Variants in PACS1 observed in about 807,000 individuals in gnomAD.
PACS1 encodes the protein PACS-1.
Under a neutral mutation model 115.0 loss-of-function variants are expected in PACS1, and 24 were observed. The ratio of observed to expected loss-of-function variants is 0.21; its 90% CI spans 0.15 to 0.29. PACS1 has a LOEUF of 0.29. Among genes scored for constraint, PACS1 ranks in the 10% least tolerant of loss-of-function variants. The pLI, the probability that PACS1 is intolerant of heterozygous loss-of-function variation, is 1.00. For missense variants in PACS1, 838 were observed against 1,251.2 expected (o/e 0.67, Z 4.98); for synonymous variants, 453 against 504.5 (o/e 0.90, Z 1.37).
chr11:66,218,995 G>A (rs1172215045), intron 7 of PACS1, among the ~76,000 whole-genome samples: 2 of 152,060 alleles, frequency 1.3e-5, no homozygotes, highest in East Asian at 1.9e-4. Context: ...CCCAGGCTTC[G>A]GACACGTACA....
intron 4 of PACS1, 32 bp from the exon 5 acceptor site, chr11:66,216,087 A>T (rs746947203): frequency 6.2e-7 from 1 of 1,612,216 alleles, no homozygotes; most frequent in Non-Finnish European, 8.5e-7. Flanking sequence ...CCTCTGTAGT[A>T]ACACGCCTCC....
rs1169502493 is a variant in PACS1, at chr11:66,070,716, C to T, written c.230C>T (p.Ala77Val). ...TCCTCGTCTACCTCCACCTCCATGG[C>T]CGTGGCGGTGGCCTCGGGCTCCGCG... ...SSSSSTSTSM[A>V]VAVASGSAPP... Residue 77 changes from alanine to valine, a missense_variant, in exon 1 of 24, where the codon GCC (alanine) becomes GTC (valine). This residue lies in a region of PACS1 where 129 missense variants were observed against 109.4 expected (regional missense o/e 1.18). Transcript: ENST00000320580. This position sits in a 1 kb window ranked among gnomAD's most constrained non-coding sequence, Gnocchi z 5.9. 1 of 1,574,436 alleles carries T rather than the reference C, an allele frequency of 6.4e-7. No homozygotes were observed. Among genetic ancestry groups the T allele is most frequent in the South Asian group, 1.1e-5 (1 of 87,788 alleles).
chr11:66,082,888 TG>T (rs1463565720), intron 1 of PACS1, among the ~76,000 whole-genome samples: 1 of 152,176 alleles, frequency 6.6e-6, no homozygotes, highest in Admixed American at 6.5e-5. Flanking sequence ...TGAGCATCTA[TG>T]TTCATAGAAA....
intron 1 of PACS1, among the ~76,000 whole-genome samples, chr11:66,098,021 CA>C (rs1272570827): frequency 6.6e-6 from 1 of 151,856 alleles, no homozygotes; most frequent in Non-Finnish European, 1.5e-5. Flanking sequence ...TACTAAGATA[CA>C]AAAAATTAGC....
At chr11:66,220,442 G>A (rs1855316243) in intron 8 of PACS1, 189 bp from the exon 9 acceptor site, 1 of 590,138 alleles carries the variant, frequency 1.7e-6, no homozygotes, top group Admixed American at 3.0e-5. Flanking sequence ...TGGGGGGAAG[G>A]TGGCCTCACC....
At chr11:66,074,595 C>G (rs1310342068) in intron 1 of PACS1, among the ~76,000 whole-genome samples, 2 of 152,176 alleles carry the variant, frequency 1.3e-5, no homozygotes, top group African/African-American at 4.8e-5. Context: ...CTGTATCATT[C>G]GCAAACCATA....
At chr11:66,092,870 C>G (rs1465216689) in intron 1 of PACS1, among the ~76,000 whole-genome samples, 2 of 152,102 alleles carry the variant, frequency 1.3e-5, no homozygotes, top group African/African-American at 4.8e-5. Context: ...CTGTTCTGTT[C>G]CATTGATCTA....
At chr11:66,084,757 C>T (rs375952986) in intron 1 of PACS1, among the ~76,000 whole-genome samples, 22 of 152,132 alleles carry the variant, frequency 1.4e-4, no homozygotes, top group Non-Finnish European at 2.9e-4. Context: ...TAATTATTGT[C>T]GTCTCTTTAT....
chr11:66,078,295 T>G (rs1857428483), intron 1 of PACS1, among the ~76,000 whole-genome samples: 1 of 152,222 alleles, frequency 6.6e-6, no homozygotes, highest in Middle Eastern at 3.2e-3. Context: ...TTTAGTGACC[T>G]CGTATAAATA....
intron 1 of PACS1, among the ~76,000 whole-genome samples, chr11:66,083,368 G>T (rs1008838795): frequency 6.6e-6 from 1 of 152,076 alleles, no homozygotes; most frequent in Non-Finnish European, 1.5e-5. Flanking sequence ...CTTGTAGGTA[G>T]TCCTATCTCT....
intron 1 of PACS1, among the ~76,000 whole-genome samples, chr11:66,191,527 A>G (rs946805169): frequency 2.6e-5 from 4 of 152,164 alleles, no homozygotes; most frequent in Non-Finnish European, 4.4e-5. Flanking sequence ...TCACTACTCC[A>G]CTTGAAATGT....
At chr11:66,131,189 G>A (rs534228685) in intron 1 of PACS1, among the ~76,000 whole-genome samples, 5 of 152,242 alleles carry the variant, frequency 3.3e-5, no homozygotes, top group Non-Finnish European at 5.9e-5. Flanking sequence ...GGGTCACAGA[G>A]TATAATCATA....
chr11:66,233,859 T>C lies in PACS1; in HGVS notation c.1913T>C (p.Ile638Thr), dbSNP rs773576075. 1.2e-6 allele frequency: 2 copies of C among 1,609,780 alleles called. No individual in the cohort carries two copies. Among genetic ancestry groups the C allele is most frequent in the African/African-American group, 2.7e-5 (2 of 74,900 alleles). The change falls in exon 16 of 24, where the codon ATC (isoleucine) becomes ACC (threonine). Residue 638 changes from isoleucine to threonine, a missense_variant. Physicochemically the swap from Ile to Thr is moderately conservative, Grantham distance 89 (BLOSUM62 -1). Transcript: ENST00000320580. This position sits in a 1 kb window ranked among gnomAD's most constrained non-coding sequence, Gnocchi z 4.5. Reference sequence around the variant, plus strand: ...GGAGGCCAGAGCTACCTGAGCTCCATCCTCAGGTTCTTTGTCAAGTCCCTG... The same window carrying C: ...GGAGGCCAGAGCTACCTGAGCTCCACCCTCAGGTTCTTTGTCAAGTCCCTG... ...AVGGQSYLSS[I>T]LRFFVKSLAN...
chr11:66,181,622 T>C (rs1860013610), intron 1 of PACS1, among the ~76,000 whole-genome samples: 1 of 152,252 alleles, frequency 6.6e-6, no homozygotes. Context: ...ATTAATGTGA[T>C]AATGTATTAA....
chr11:66,113,063 A>T (rs1449330181), intron 1 of PACS1, among the ~76,000 whole-genome samples: 1 of 152,198 alleles, frequency 6.6e-6, no homozygotes, highest in African/African-American at 2.4e-5. Context: ...GTTGACTGGG[A>T]TGGAACACAG....
At chr11:66,153,124 T>C (rs1312414317) in intron 1 of PACS1, among the ~76,000 whole-genome samples, 1 of 152,068 alleles carries the variant, frequency 6.6e-6, no homozygotes, top group Middle Eastern at 3.2e-3. Context: ...AAGATACATA[T>C]GTGTTTTTTT....
chr11:66,238,004 C>T (rs965961000), intron 19 of PACS1: 2 of 959,734 alleles, frequency 2.1e-6, no homozygotes, highest in African/African-American at 3.5e-5. Context: ...GCCTCTTTGC[C>T]TAGGCCTGGG....
chr11:66,080,344 A>G lies in PACS1; in HGVS notation c.356+9502A>G, dbSNP rs933879984. 6.6e-5 allele frequency among the ~76,000 whole-genome samples: 10 copies of G among 152,242 alleles called. No homozygotes were observed. In the East Asian group the frequency reaches 7.7e-4, roughly 12 times the overall value. ...TGGTGGGGGTGACAGATGAGGAACA[A>G]TTATATTGTTATATCTGTGATAAAT... On this transcript the variant is annotated intron_variant, in intron 1 of 23. Transcript: ENST00000320580.
At chr11:66,228,349 G>T (rs947253641) in intron 11 of PACS1, among the ~76,000 whole-genome samples, 1 of 152,100 alleles carries the variant, frequency 6.6e-6, no homozygotes, top group Admixed American at 6.5e-5. Flanking sequence ...ATCTGTGAAA[G>T]AATTATTTTA....
Sources: allele counts gnomAD v4.1 joint callset (sites outside exome capture counted in the v4.1 genomes callset), GRCh38; gene constraint gnomAD v4.1.1; regional missense constraint gnomAD v4.1.1; non-coding constraint Gnocchi (gnomAD v3.1); transcripts MANE v1.5; gene names NCBI Gene and HGNC (gene_info 2026-07-23, HGNC 2026-07-21).